Variants in SYNPR observed in about 807,000 individuals in gnomAD.
SYNPR encodes synaptoporin.
Under a neutral mutation model 32.9 loss-of-function variants are expected in SYNPR, and 23 were observed. The observed-to-expected ratio is 0.70, with a 90% CI of 0.50 to 0.99. The LOEUF is 0.99. Ranked by LOEUF, SYNPR falls within the 50% of genes least tolerant of loss-of-function variation. SYNPR has a pLI of 0.00. For synonymous variants in SYNPR, 146 were observed against 135.9 expected (o/e 1.07, Z -0.52); for missense variants, 318 against 349.3 (o/e 0.91, Z 0.71).
At position 63,385,166 on chromosome 3, in the gene SYNPR, A is replaced by C. The variant is rs144627506; in HGVS notation, c.85-95666A>C. ...TCACTAGATATCCTTCTTTAAGAAGATGGCTCTGAAAATAAGTCTAATGAA... is the reference window on the plus strand; with the variant it reads ...TCACTAGATATCCTTCTTTAAGAAGCTGGCTCTGAAAATAAGTCTAATGAA... On this transcript the variant is annotated intron_variant, in intron 2 of 5. Transcript: ENST00000478300. 2.9e-3 allele frequency among the ~76,000 whole-genome samples: 435 copies of C among 152,294 alleles called. 5 individuals carry two copies. Among genetic ancestry groups the C allele is most frequent in the African/African-American group, 1.0e-2 (414 of 41,554 alleles).
chr3:63,244,566 T>C (rs1007134923), intron 1 of SYNPR, among the ~76,000 whole-genome samples: 3 of 152,084 alleles, frequency 2.0e-5, no homozygotes, highest in African/African-American at 7.2e-5. Context: ...GTTTCTCCAC[T>C]TGAGCTTGGT....
chr3:63,380,753 C>G (rs959348736), intron 2 of SYNPR, among the ~76,000 whole-genome samples: 143 of 152,226 alleles, frequency 9.4e-4, no homozygotes, highest in African/African-American at 3.1e-3. Context: ...TCAACATATG[C>G]AAATCAATAA....
chr3:63,418,164 A>G (rs948523533), intron 2 of SYNPR, among the ~76,000 whole-genome samples: 1 of 152,136 alleles, frequency 6.6e-6, no homozygotes, highest in Non-Finnish European at 1.5e-5. Context: ...TTCTTCCTAA[A>G]TCATCTTTCT....
chr3:63,272,597 T>G (rs1212065986), intron 3 of SYNPR, among the ~76,000 whole-genome samples: 1 of 151,926 alleles, frequency 6.6e-6, no homozygotes, highest in Non-Finnish European at 1.5e-5. Flanking sequence ...CTAGGTTTCT[T>G]CCTCAGGAAA....
At chr3:63,306,549 A>T (rs58386459) in intron 2 of SYNPR, among the ~76,000 whole-genome samples, 1 of 151,482 alleles carries the variant, frequency 6.6e-6, no homozygotes, top group East Asian at 2.0e-4. Flanking sequence ...AAAAAAAAAC[A>T]ATATAAAATT....
At chr3:63,321,127 T>A (rs2087107007) in intron 2 of SYNPR, among the ~76,000 whole-genome samples, 1 of 152,074 alleles carries the variant, frequency 6.6e-6, no homozygotes, top group African/African-American at 2.4e-5. Context: ...CCCCAAGATA[T>A]TTCTTTCAAA....
At chr3:63,516,512 T>A (rs778451409) in intron 3 of SYNPR, among the ~76,000 whole-genome samples, 1 of 152,164 alleles carries the variant, frequency 6.6e-6, no homozygotes, top group Non-Finnish European at 1.5e-5. Flanking sequence ...AGGAAGAATA[T>A]TAATGCTCCT....
upstream of SYNPR, chr3:63,278,005 T>C (rs2106914473): frequency 6.5e-6 from 1 of 152,882 alleles, no homozygotes; most frequent in African/African-American, 2.4e-5. Flanking sequence ...TCATCAGAAC[T>C]CACACAGATG....
chr3:63,507,160 AAAAAAGAAAAG>A (rs1701604581), intron 3 of SYNPR, among the ~76,000 whole-genome samples: 1 of 152,092 alleles, frequency 6.6e-6, no homozygotes, highest in Non-Finnish European at 1.5e-5. Context: ...AAATAAAAAA[AAAAAAGAAAAG>A]AAAAAGAAAT....
At chr3:63,381,452 C>G (rs991858356) in intron 2 of SYNPR, among the ~76,000 whole-genome samples, 5 of 152,298 alleles carry the variant, frequency 3.3e-5, no homozygotes, top group African/African-American at 1.2e-4. Context: ...TAGGAAGAAT[C>G]AATATCGTGA....
In SYNPR at chr3:63,257,402, G is replaced by A. The variant is rs534089382; in HGVS notation, n.154+4816G>A. ...AAACTCTACAAGCCAGACGAAAGAG[G>A]AGGCCAATATTCAACATTCTTAAAG... On this transcript the variant is annotated intron_variant and non_coding_transcript_variant, in intron 2 of 4. Transcript: ENST00000478456. 1.9e-4 allele frequency among the ~76,000 whole-genome samples: 29 copies of A among 152,304 alleles called. No individual in the cohort carries two copies. In the South Asian group the frequency reaches 5.6e-3, roughly 29 times the overall value.
intron 2 of SYNPR, among the ~76,000 whole-genome samples, chr3:63,266,933 G>C (rs2086495150): frequency 6.6e-6 from 1 of 152,032 alleles, no homozygotes. Flanking sequence ...TAATCAGCTT[G>C]GGTTATATTC....
rs2088392708 is a variant in SYNPR at position 63,408,186 on chromosome 3, GAAAGAAAGAGGAAGGAAGGAAGGA to G, written c.85-72644_85-72621del. Among the ~76,000 whole-genome samples, 4 of 95,290 alleles carry G rather than the reference GAAAGAAAGAGGAAGGAAGGAAGGA, an allele frequency of 4.2e-5. 1 individual carries two copies. Among genetic ancestry groups the G allele is most frequent in the African/African-American group, 1.8e-4 (4 of 22,434 alleles). The allele number at this position is 95,290 out of a possible 152,430, so 62.5% of individuals were successfully genotyped here. A position where few individuals can be genotyped will look rare whatever the true frequency, so the allele number is the denominator to read the frequency against. ...AGAAAGAAAGAAAGAAAGAAAGAAA[GAAAGAAAGAGGAAGGAAGGAAGGA>G]AGGAAGGAAGGAAGGAAGGAAAGAA... On this transcript the variant is annotated intron_variant, in intron 2 of 5. Transcript: ENST00000478300.
At chr3:63,604,607 T>A (rs911816854) in intron 4 of SYNPR, among the ~76,000 whole-genome samples, 9 of 152,182 alleles carry the variant, frequency 5.9e-5, no homozygotes, top group African/African-American at 2.2e-4. Flanking sequence ...ACCTAGAAGT[T>A]ATCCAGGAGC....
chr3:63,255,620 A>T (rs2086375296), intron 2 of SYNPR, among the ~76,000 whole-genome samples: 1 of 152,156 alleles, frequency 6.6e-6, no homozygotes, highest in African/African-American at 2.4e-5. Flanking sequence ...CTTGAGGAGG[A>T]GCCAAGATGG....
intron 2 of SYNPR, among the ~76,000 whole-genome samples, chr3:63,320,825 A>C (rs1230776265): frequency 6.6e-6 from 1 of 152,098 alleles, no homozygotes; most frequent in African/African-American, 2.4e-5. Context: ...GTGATTTACT[A>C]TGTGGCCTTC....
intron 2 of SYNPR, among the ~76,000 whole-genome samples, chr3:63,324,539 C>T (rs546084141): frequency 1.3e-5 from 2 of 152,270 alleles, no homozygotes; most frequent in African/African-American, 4.8e-5. Flanking sequence ...TATGGGACTA[C>T]TGCACCAGTC....
intron 2 of SYNPR, among the ~76,000 whole-genome samples, chr3:63,339,455 G>A (rs2087335820): frequency 6.6e-6 from 1 of 152,176 alleles, no homozygotes; most frequent in African/African-American, 2.4e-5. Context: ...TGATGTTAAT[G>A]TCTTGGGAAA....
intron 2 of SYNPR, among the ~76,000 whole-genome samples, chr3:63,471,614 C>A (rs138843320): frequency 1.2e-3 from 177 of 152,334 alleles, no homozygotes; most frequent in Middle Eastern, 6.8e-3. Context: ...GGGAGTGGAG[C>A]ATGAGGGAGG....
Sources: gnomAD v4.1 joint callset for allele counts (sites outside exome capture counted in the v4.1 genomes callset) on GRCh38, gnomAD v4.1.1 for gene constraint, MANE v1.5 for transcripts, NCBI Gene and HGNC (gene_info 2026-07-23, HGNC 2026-07-21) for gene names.